SP140: variants seen among roughly 807,000 people sequenced by gnomAD.
SP140 encodes nuclear body protein SP140.
SP140 carries 81 observed loss-of-function variants against 125.0 expected under a neutral mutation model. The ratio of observed to expected loss-of-function variants is 0.65; its 90% CI spans 0.54 to 0.78. The LOEUF is 0.78. Ranked by LOEUF, SP140 falls within the 30% of genes least tolerant of loss-of-function variation. The pLI, the probability that SP140 is intolerant of heterozygous loss-of-function variation, is 0.00. For missense variants in SP140, 858 were observed against 1,037.0 expected (o/e 0.83, Z 2.37); for synonymous variants, 312 against 354.0 (o/e 0.88, Z 1.33).
At chr2:230,212,846 G>T in intron 1 of SP140, 1 of 1,614,084 alleles carries the variant, frequency 6.2e-7, no homozygotes, top group Non-Finnish European at 8.5e-7. Flanking sequence ...GGATCTCATC[G>T]CTTTGCTGGG....
rs1344143668 is a variant in SP140, at chr2:230,310,275, T to A, written c.2174+236T>A. 4 of 542,280 alleles carry A rather than the reference T, an allele frequency of 7.4e-6. No homozygotes were observed. The East Asian group carries it at 9.6e-5, about 13-fold the overall frequency. 33.6% of individuals were successfully genotyped at this position (542,280 alleles called of 1,614,324 possible). A position where few individuals can be genotyped will look rare whatever the true frequency, so the allele number is the denominator to read the frequency against. On this transcript the variant is annotated intron_variant, in intron 23 of 26. Transcript: ENST00000392045. ...TATGCTGAGGGCAGTGTTGGGGACC[T>A]TTGCCTACATACCGGCATTGTCCTT...
chr2:230,226,415 G>C, intron 1 of SP140, among the ~76,000 whole-genome samples: 1 of 152,196 alleles, frequency 6.6e-6, no homozygotes, highest in East Asian at 1.9e-4. Flanking sequence ...TTGGTAGGAG[G>C]AAGTGAAAGC....
Position 230,212,360 on chromosome 2 carries a change from A to G in SP140, c.-322-1294A>G. The G allele has an allele frequency of 6.2e-7, 1 of 1,611,618 alleles. No homozygotes were observed. The highest frequency in any genetic ancestry group is 1.7e-4 in the Middle Eastern group (1 of 6,058). ...AGTCAGTGTTACCTTGCACAGTGCT[A>G]GTGAGGAGGCTGGGCATCTCTTCTG... On this transcript the variant is annotated intron_variant, in intron 1 of 4. Transcript: ENST00000456542.
chr2:230,259,686 C>CAA (rs79994218), intron 12 of SP140, among the ~76,000 whole-genome samples: 3 of 138,800 alleles, frequency 2.2e-5, no homozygotes, highest in African/African-American at 5.3e-5. Context: ...GACTCCATCT[C>CAA]AAAAAAAAAA....
upstream of SP140, among the ~76,000 whole-genome samples, chr2:230,202,418 G>A (rs2043273022): frequency 6.6e-6 from 1 of 152,184 alleles, no homozygotes; most frequent in African/African-American, 2.4e-5. Flanking sequence ...AGATGCAACA[G>A]ATGCTTGCTC....
At chr2:230,294,345 T>A (rs1238542746) in intron 21 of SP140, 27 bp downstream of exon 21, 1 of 1,551,212 alleles carries the variant, frequency 6.4e-7, no homozygotes, top group Non-Finnish European at 8.9e-7. Context: ...TTTATACAGC[T>A]TCTTGTCACA....
At chr2:230,202,791 C>A, upstream of SP140, 1 of 1,508,500 alleles carries the variant, frequency 6.6e-7, no homozygotes, top group Non-Finnish European at 9.2e-7. Context: ...TCCTACAGTC[C>A]CAATCAGTGA....
chr2:230,305,469 G>T (rs955677925), intron 22 of SP140, among the ~76,000 whole-genome samples: 2 of 152,256 alleles, frequency 1.3e-5, no homozygotes, highest in Non-Finnish European at 2.9e-5. Flanking sequence ...TGCAGGCGCT[G>T]GCCGTGGGTC....
downstream of SP140, among the ~76,000 whole-genome samples, chr2:230,314,072 A>G (rs1464639168): frequency 6.6e-6 from 1 of 152,196 alleles, no homozygotes; most frequent in Non-Finnish European, 1.5e-5. Flanking sequence ...AAAGAGTCAA[A>G]CTTCAGAGAA....
chr2:230,198,185 G>A (rs1038370608), upstream of SP140, among the ~76,000 whole-genome samples: 6 of 152,132 alleles, frequency 3.9e-5, no homozygotes, highest in African/African-American at 1.4e-4. Context: ...ATGCTGCTTT[G>A]GCCTTCTGGC....
chr2:230,196,072 T>A, the SP140 span, among the ~76,000 whole-genome samples: 1 of 152,194 alleles, frequency 6.6e-6, no homozygotes, highest in South Asian at 2.1e-4. Flanking sequence ...TTTTATTACA[T>A]CCAGCATTGA....
chr2:230,230,721 A>G (rs1005912346), intron 1 of SP140, among the ~76,000 whole-genome samples: 1 of 152,176 alleles, frequency 6.6e-6, no homozygotes, highest in Non-Finnish European at 1.5e-5. Flanking sequence ...CAATATGTCT[A>G]AGTCTAGATC....
chr2:230,264,659 A>G (rs1189329011), intron 12 of SP140, among the ~76,000 whole-genome samples: 46 of 152,192 alleles, frequency 3.0e-4, no homozygotes, highest in Non-Finnish European at 4.4e-5. Flanking sequence ...TTTGTCCCAT[A>G]GGATGTTCCC....
chr2:230,222,482 G>C (rs2045901216), upstream of SP140, among the ~76,000 whole-genome samples: 1 of 152,140 alleles, frequency 6.6e-6, no homozygotes, highest in Non-Finnish European at 1.5e-5. Context: ...ATTCTGGGAG[G>C]TCAAAGCAGG....
chr2:230,312,485 C>CTT, intron 26 of SP140, 101 bp from the exon 27 acceptor site: 13 of 681,142 alleles, frequency 1.9e-5, no homozygotes, highest in South Asian at 6.2e-5. Context: ...ACTTACAGTA[C>CTT]TTTTTTTTTT....
intron 7 of SP140, 86 bp downstream of exon 7, chr2:230,246,026 T>C (rs1202291732): frequency 2.7e-6 from 2 of 732,316 alleles, no homozygotes; most frequent in Non-Finnish European, 4.9e-6. Flanking sequence ...TTCCCCCATC[T>C]ATTCATGTAT....
rs540076853 is a variant in SP140, at chr2:230,255,332, G to A, written c.1160-120G>A. The A allele has an allele frequency of 3.5e-6, 4 of 1,132,462 alleles. No individual in the cohort carries two copies. The East Asian group carries it at 7.2e-5, about 20-fold the overall frequency. The allele number at this position is 1,132,462 out of a possible 1,614,324, so 70.2% of individuals were successfully genotyped here. ...CACAGGGCAGACCAGGAGGACCTGG[G>A]TGGGGGACAGCCCTACCTGAGAGAT... On this transcript the variant is annotated intron_variant, in intron 11 of 26. Coordinates refer to ENST00000392045, the MANE Select transcript of SP140 (RefSeq NM_007237.5).
intron 15 of SP140, among the ~76,000 whole-genome samples, chr2:230,280,459 G>C (rs1304067268): frequency 6.6e-6 from 1 of 152,048 alleles, no homozygotes; most frequent in East Asian, 1.9e-4. Flanking sequence ...TTCTTAATAG[G>C]TAAATTTCAA....
intron 3 of SP140, among the ~76,000 whole-genome samples, chr2:230,240,345 A>G (rs927960783): frequency 6.6e-6 from 1 of 152,184 alleles, no homozygotes; most frequent in African/African-American, 2.4e-5. Context: ...AAAACTATGC[A>G]TCCAAAGTCA....
Sources: allele counts gnomAD v4.1 joint callset (sites outside exome capture counted in the v4.1 genomes callset), GRCh38; gene constraint gnomAD v4.1.1; transcripts MANE v1.5; gene names NCBI Gene and HGNC (gene_info 2026-07-23, HGNC 2026-07-21).